The following TRIM48 variants were observed in gnomAD, a reference collection of about 807,000 sequenced individuals.
TRIM48 encodes the protein E3 ubiquitin-protein ligase TRIM48.
TRIM48 carries 31 observed loss-of-function variants against 29.5 expected under a neutral mutation model. That is an observed-to-expected ratio of 1.05 (90% CI 0.79 to 1.42). The LOEUF is 1.42. Among genes scored for constraint, TRIM48 ranks in the 40% most tolerant of loss-of-function variants. The pLI is 0.00. For synonymous variants in TRIM48, 128 were observed against 90.6 expected, an observed-to-expected ratio of 1.41 and a Z score of -2.34; for missense variants, 344 against 265.0, an observed-to-expected ratio of 1.30 and a Z score of -2.07.
Position 55,263,249 on chromosome 11 carries a change from C to T in TRIM48, c.44+938C>T, listed in dbSNP as rs149474527. Among the ~76,000 whole-genome samples, 439 of 152,148 alleles carry T rather than the reference C, an allele frequency of 2.9e-3. 2 individuals carry two copies. The highest frequency in any genetic ancestry group is 9.6e-3 in the African/African-American group (397 of 41,492). ...TGCCTAGAGTATACAGTATAGAACA[C>T]GCTGTACAGTTTTGTAGTCTAGGAG... On this transcript the variant is annotated intron_variant, in intron 1 of 5. Transcript: ENST00000417545.
In TRIM48 at chr11:55,265,194, G is replaced by A. The variant is rs1238396040; in HGVS notation, c.339G>A (p.Arg113=). 3 of 1,582,576 alleles carry A rather than the reference G, an allele frequency of 1.9e-6. No individual in the cohort carries two copies. Among genetic ancestry groups the A allele is most frequent in the Non-Finnish European group, 2.6e-6 (3 of 1,166,186 alleles). ...SSEEQMCGIH[R]ETKKMFCEVD... The stretch of plus-strand genomic sequence containing the variant: ...AGGAGCAAATGTGTGGCATTCACAG[G>A]GAGACAAAGAAGATGTTCTGTGAAG... The change falls in exon 2 of 6, where the codon AGG becomes AGA. Residue 113 remains arginine (R), a synonymous_variant. Coordinates refer to ENST00000417545, the MANE Select transcript of TRIM48 (RefSeq NM_024114.5).
At position 55,267,391 on chromosome 11, in the gene TRIM48, C is replaced by A; in HGVS notation, c.556-959C>A. The A allele has an allele frequency of 2.5e-6, 4 of 1,569,876 alleles. No individual in the cohort carries two copies. The Admixed American group carries it at 5.2e-5, about 20-fold the overall frequency. ...ATATATACATTTCTCTTTTGACTAACCCATTATTACTGCCGTATTATGTGA... is the reference window on the plus strand; with the variant it reads ...ATATATACATTTCTCTTTTGACTAAACCATTATTACTGCCGTATTATGTGA... On this transcript the variant is annotated intron_variant, in intron 3 of 5. Transcript: ENST00000417545.
rs377754077 is a variant in TRIM48, at chr11:55,264,861, C to T, written c.45-39C>T. The T allele has an allele frequency of 6.3e-5, 100 of 1,582,132 alleles. 11 individuals are homozygous for T. The highest frequency in any genetic ancestry group is 8.1e-5 in the Non-Finnish European group (95 of 1,165,866). On this transcript the variant is annotated intron_variant, in intron 1 of 5. Coordinates refer to ENST00000417545, the MANE Select transcript of TRIM48 (RefSeq NM_024114.5). ...CACATGTTCAGAAGCTTTTCATCAA[C>T]CCAGACCCCAAAATGACATGCTGCT...
At chr11:55,269,817 A>T (rs1236812056) in intron 5 of TRIM48, among the ~76,000 whole-genome samples, 1 of 148,052 alleles carries the variant, frequency 6.8e-6, no homozygotes. Flanking sequence ...AAATAAAAAG[A>T]AATCATTTTG....
chr11:55,270,963 TC>T lies in TRIM48; in HGVS notation c.*529del. The T allele has an allele frequency of 1.3e-6, 2 of 1,539,354 alleles. No homozygotes were observed. The highest frequency in any genetic ancestry group is 1.8e-6 in the Non-Finnish European group (2 of 1,138,418). On this transcript the variant is annotated 3_prime_UTR_variant, in exon 6 of 6. Coordinates refer to ENST00000417545, the MANE Select transcript of TRIM48 (RefSeq NM_024114.5). ...CAGAGACAAATCAGAAATGTGTTCATCTGCTGTGGGAACCCCTTTATCCCAG... is the reference window on the plus strand; with the variant it reads ...CAGAGACAAATCAGAAATGTGTTCATTGCTGTGGGAACCCCTTTATCCCAG...
At chr11:55,266,901 G>T (rs1036994447) in intron 3 of TRIM48, among the ~76,000 whole-genome samples, 1 of 147,440 alleles carries the variant, frequency 6.8e-6, no homozygotes, top group Non-Finnish European at 1.5e-5. Context: ...AGAATGGAAG[G>T]AAATGAATTC....
rs927331402 is a variant in TRIM48, at chr11:55,269,110, A to C, written c.579-132A>C. 6 of 1,339,044 alleles carry C rather than the reference A, an allele frequency of 4.5e-6. 1 individual carries two copies. The Admixed American group carries it at 6.6e-5, about 15-fold the overall frequency. 82.9% of individuals were successfully genotyped at this position (1,339,044 alleles called of 1,614,324 possible). ...CTGTAAATAGAAATTAATTCCAAAA[A>C]GGAAGGAATAATTTTTGAATTATCA... On this transcript the variant is annotated intron_variant, in intron 4 of 5. Coordinates refer to ENST00000417545, the MANE Select transcript of TRIM48 (RefSeq NM_024114.5).
intron 5 of TRIM48, 136 bp downstream of exon 5, chr11:55,269,475 T>G: frequency 8.2e-7 from 1 of 1,214,300 alleles, no homozygotes. Flanking sequence ...CATGCAACCC[T>G]TTTGTATCTG....
At chr11:55,268,845 G>T (rs1416757466) in intron 4 of TRIM48, among the ~76,000 whole-genome samples, 1 of 148,046 alleles carries the variant, frequency 6.8e-6, no homozygotes, top group Admixed American at 6.8e-5. Flanking sequence ...TAGCTGCCTA[G>T]GACAAGTTTC....
chr11:55,267,672 C>G, intron 3 of TRIM48: 1 of 1,563,034 alleles, frequency 6.4e-7, no homozygotes, highest in South Asian at 1.2e-5. Flanking sequence ...AGGTTTTTGA[C>G]TATTCACATG....
Position 55,263,479 on chromosome 11 carries a change from C to T in TRIM48, c.44+1168C>T, listed in dbSNP as rs377379432. Among the ~76,000 whole-genome samples the T allele has an allele frequency of 8.6e-5, 13 of 151,778 alleles. No individual in the cohort carries two copies. In the East Asian group the frequency reaches 2.1e-3, roughly 25 times the overall value. On this transcript the variant is annotated intron_variant, in intron 1 of 5. Coordinates refer to ENST00000417545, the MANE Select transcript of TRIM48 (RefSeq NM_024114.5). ...TCCAGCCTGGCCAACATGGCGAAAC[C>T]TCATCTCTACTGGAAAAAAAAAAAA...
chr11:55,270,746 G>C lies in TRIM48; in HGVS notation c.*311G>C. ...TGTGTTAAGAACGACATTCAGTGCA[G>C]TCTCTTTACCACCTCCCCAATTACA... On this transcript the variant is annotated 3_prime_UTR_variant, in exon 6 of 6. Transcript: ENST00000417545. 3 of 1,565,916 alleles carry C rather than the reference G, an allele frequency of 1.9e-6. 1 individual carries two copies. Among genetic ancestry groups the C allele is most frequent in the Non-Finnish European group, 2.6e-6 (3 of 1,150,264 alleles).
intron 4 of TRIM48, among the ~76,000 whole-genome samples, chr11:55,269,006 A>G (rs1487296031): frequency 1.3e-4 from 20 of 148,310 alleles, no homozygotes; most frequent in Non-Finnish European, 6.0e-5. Flanking sequence ...AAGGAACTTT[A>G]CACATTTGGG....
At chr11:55,265,362 T>A (rs755163370) in intron 2 of TRIM48, 48 bp downstream of exon 2, 1 of 1,578,352 alleles carries the variant, frequency 6.3e-7, no homozygotes. Context: ...CACATGAAAT[T>A]CCTGTGGCCC....
chr11:55,262,397 A>G (rs1422839156), intron 1 of TRIM48, 86 bp downstream of exon 1: 63 of 919,134 alleles, frequency 6.9e-5, no homozygotes, highest in Non-Finnish European at 1.1e-4. Context: ...TCATTATCTT[A>G]AATCTACACA....
In TRIM48 at chr11:55,267,727, T is replaced by C. The variant is rs1158901009; in HGVS notation, c.556-623T>C. ...GCTGAAATCCATCTCCCTACCTTTA[T>C]TTCCATGATGTGTTTCCAAAAACAC... On this transcript the variant is annotated intron_variant, in intron 3 of 5. Transcript: ENST00000417545. The C allele has an allele frequency of 5.3e-6, 8 of 1,509,802 alleles. No individual in the cohort carries two copies. In the Admixed American group the frequency reaches 1.5e-4, roughly 29 times the overall value. 93.5% of individuals were successfully genotyped at this position (1,509,802 alleles called of 1,614,324 possible).
Position 55,269,472 on chromosome 11 carries a change from C to A in TRIM48, c.*1+133C>A, listed in dbSNP as rs957553827. 1.7e-5 allele frequency: 21 copies of A among 1,235,976 alleles called. 2 individuals carry two copies. Among genetic ancestry groups the A allele is most frequent in the Non-Finnish European group, 2.2e-5 (20 of 909,394 alleles). The allele number at this position is 1,235,976 out of a possible 1,614,324, so 76.6% of individuals were successfully genotyped here. ...ATAAGAGAACAATATAATCATGCAACCCTTTTGTATCTGTGTCTGTATAGT... is the reference window on the plus strand; with the variant it reads ...ATAAGAGAACAATATAATCATGCAAACCTTTTGTATCTGTGTCTGTATAGT... On this transcript the variant is annotated intron_variant, in intron 5 of 5. Transcript: ENST00000417545.
Position 55,271,026 on chromosome 11 carries a change from A to C in TRIM48, c.*591A>C, listed in dbSNP as rs1857478356. 1.4e-6 allele frequency: 2 copies of C among 1,464,030 alleles called. No homozygotes were observed. The highest frequency in any genetic ancestry group is 1.8e-6 in the Non-Finnish European group (2 of 1,085,262). The allele number at this position is 1,464,030 out of a possible 1,614,324, so 90.7% of individuals were successfully genotyped here. A position where few individuals can be genotyped will look rare whatever the true frequency, so the allele number is the denominator to read the frequency against. On this transcript the variant is annotated 3_prime_UTR_variant, in exon 6 of 6. Transcript: ENST00000417545. ...CCTTGTGCCTTATCAAACAGGACAA[A>C]TAGGTTCGGTTTTATGTCTTGAATT...
chr11:55,267,586 T>G lies in TRIM48; in HGVS notation c.556-764T>G. The G allele has an allele frequency of 1.3e-6, 2 of 1,563,734 alleles. 1 individual carries two copies. Among genetic ancestry groups the G allele is most frequent in the African/African-American group, 2.7e-5 (2 of 73,086 alleles). ...ATAGGAGGGAGATTTTTAAGAGGAA[T>G]GTAAGCGGAGCTGATGAAAATGTGC... On this transcript the variant is annotated intron_variant, in intron 3 of 5. Coordinates refer to ENST00000417545, the MANE Select transcript of TRIM48 (RefSeq NM_024114.5).
Sources: allele counts gnomAD v4.1 joint callset (sites outside exome capture counted in the v4.1 genomes callset), GRCh38; gene constraint gnomAD v4.1.1; transcripts MANE v1.5; gene names NCBI Gene and HGNC (gene_info 2026-07-23, HGNC 2026-07-21).